The following KCNJ3 variants were observed in gnomAD, a reference collection of about 807,000 sequenced individuals.
The protein encoded by KCNJ3 is G protein-activated inward rectifier potassium channel 1.
KCNJ3 carries 4 observed loss-of-function variants against 39.2 expected under a neutral mutation model. The observed-to-expected ratio is 0.10, with a 90% CI of 0.05 to 0.23. The LOEUF is 0.23. KCNJ3 is among the 10% of genes least tolerant of loss of function. The pLI is 1.00. For missense variants in KCNJ3, 276 were observed against 634.9 expected (o/e 0.43, Z 6.08); for synonymous variants, 230 against 237.4 (o/e 0.97, Z 0.29).
chr2:154,801,400 A>G (rs1686814260), intron 2 of KCNJ3, among the ~76,000 whole-genome samples: 1 of 152,118 alleles, frequency 6.6e-6, no homozygotes, highest in Admixed American at 6.5e-5. Flanking sequence ...ATCAATTGTT[A>G]GCTTCTGGTA....
intron 2 of KCNJ3, among the ~76,000 whole-genome samples, chr2:154,812,407 A>T (rs1380680039): frequency 7.2e-5 from 11 of 152,246 alleles, no homozygotes; most frequent in African/African-American, 1.7e-4. Flanking sequence ...TTAGGACAAA[A>T]ATTATAATAT....
At chr2:154,720,396 G>C (rs1316757918) in intron 2 of KCNJ3, among the ~76,000 whole-genome samples, 1 of 151,952 alleles carries the variant, frequency 6.6e-6, no homozygotes, top group Non-Finnish European at 1.5e-5. Flanking sequence ...CCATTTTAGA[G>C]GGATGATTAG....
At chr2:154,741,238 A>G (rs1685649945) in intron 2 of KCNJ3, among the ~76,000 whole-genome samples, 1 of 151,976 alleles carries the variant, frequency 6.6e-6, no homozygotes, top group Non-Finnish European at 1.5e-5. Context: ...TCACACAGCT[A>G]GTTAATGGTG....
chr2:154,848,829 G>A (rs1206504839), intron 2 of KCNJ3, among the ~76,000 whole-genome samples: 1 of 152,144 alleles, frequency 6.6e-6, no homozygotes, highest in Non-Finnish European at 1.5e-5. Flanking sequence ...AGGGAGTTGT[G>A]CAGAGTGCCT....
At chr2:154,769,989 C>T (rs2105195342) in intron 2 of KCNJ3, among the ~76,000 whole-genome samples, 1 of 152,214 alleles carries the variant, frequency 6.6e-6, no homozygotes, top group Non-Finnish European at 1.5e-5. Flanking sequence ...TTTTAAAAGA[C>T]ATTTTAAATA....
intron 2 of KCNJ3, among the ~76,000 whole-genome samples, chr2:154,822,042 C>T (rs185413485): frequency 6.6e-5 from 10 of 152,102 alleles, no homozygotes; most frequent in Non-Finnish European, 1.5e-4. Context: ...TAAAGTATGC[C>T]AATGTTACTG....
intron 2 of KCNJ3, among the ~76,000 whole-genome samples, chr2:154,782,193 C>T (rs148358905): frequency 2.0e-5 from 3 of 152,058 alleles, no homozygotes; most frequent in Non-Finnish European, 4.4e-5. Context: ...AATCAGGGAG[C>T]CAGAATACCT....
intron 1 of KCNJ3, among the ~76,000 whole-genome samples, chr2:154,705,356 GTGTC>G (rs1684985886): frequency 6.6e-6 from 1 of 152,142 alleles, no homozygotes; most frequent in South Asian, 2.1e-4. Flanking sequence ...ATGTATGTGT[GTGTC>G]TGTCTGTCTT....
chr2:154,850,408 T>C (rs1687738974), intron 2 of KCNJ3, among the ~76,000 whole-genome samples: 1 of 152,208 alleles, frequency 6.6e-6, no homozygotes, highest in African/African-American at 2.4e-5. Context: ...ATATCTACTT[T>C]AAATCTTCTC....
intron 2 of KCNJ3, among the ~76,000 whole-genome samples, chr2:154,824,823 A>C (rs1687241913): frequency 6.6e-6 from 1 of 152,212 alleles, no homozygotes; most frequent in Non-Finnish European, 1.5e-5. Context: ...GCTTATATAA[A>C]AAAACACATT....
intron 2 of KCNJ3, among the ~76,000 whole-genome samples, chr2:154,822,044 A>G (rs1395716645): frequency 2.0e-5 from 3 of 152,116 alleles, no homozygotes; most frequent in South Asian, 2.1e-4. Flanking sequence ...AAGTATGCCA[A>G]TGTTACTGTT....
intron 2 of KCNJ3, among the ~76,000 whole-genome samples, chr2:154,811,165 T>C (rs1042396194): frequency 6.6e-6 from 1 of 152,194 alleles, no homozygotes; most frequent in Non-Finnish European, 1.5e-5. Flanking sequence ...TACGCAGTTA[T>C]GCAGTAGGGG....
intron 2 of KCNJ3, among the ~76,000 whole-genome samples, chr2:154,829,352 C>T (rs1341875581): frequency 1.3e-5 from 2 of 152,142 alleles, no homozygotes; most frequent in East Asian, 1.9e-4. Flanking sequence ...CAGTGTTTCA[C>T]TCCCACATAT....
chr2:154,821,618 GA>G (rs1687180751), intron 2 of KCNJ3, among the ~76,000 whole-genome samples: 1 of 125,142 alleles, frequency 8.0e-6, no homozygotes. Flanking sequence ...TCCAAAAAAA[GA>G]AAAAGAGAAT....
rs535308033 is a variant in KCNJ3, at chr2:154,803,828, A to G, written c.920-50899A>G. On this transcript the variant is annotated intron_variant, in intron 2 of 2. Transcript: ENST00000295101. Reference sequence around the variant, plus strand: ...AATTTGAATTAAAGCTTAATATAAAATGAGTAACGCTGATTAGGCTGTGTG... The same window carrying G: ...AATTTGAATTAAAGCTTAATATAAAGTGAGTAACGCTGATTAGGCTGTGTG... Among the ~76,000 whole-genome samples the G allele has an allele frequency of 2.1e-4, 32 of 152,178 alleles. No individual in the cohort carries two copies. In the South Asian group the frequency reaches 3.7e-3, roughly 18 times the overall value.
chr2:154,826,090 C>T (rs976251263), intron 2 of KCNJ3, among the ~76,000 whole-genome samples: 4 of 151,950 alleles, frequency 2.6e-5, no homozygotes, highest in Admixed American at 2.6e-4. Flanking sequence ...GTAAATATTT[C>T]CCATATTTAA....
chr2:154,810,444 T>G (rs1686989754), intron 2 of KCNJ3, among the ~76,000 whole-genome samples: 1 of 152,114 alleles, frequency 6.6e-6, no homozygotes, highest in Non-Finnish European at 1.5e-5. Flanking sequence ...AGAACACTTT[T>G]GGAAAACATT....
intron 2 of KCNJ3, among the ~76,000 whole-genome samples, chr2:154,717,067 C>G (rs1057155118): frequency 6.6e-6 from 1 of 152,160 alleles, no homozygotes; most frequent in East Asian, 1.9e-4. Flanking sequence ...TGGATTTCTT[C>G]CAAAGGAGGT....
intron 2 of KCNJ3, among the ~76,000 whole-genome samples, chr2:154,850,954 A>G (rs1321329064): frequency 6.6e-6 from 1 of 152,216 alleles, no homozygotes; most frequent in Non-Finnish European, 1.5e-5. Flanking sequence ...TGACAATTTT[A>G]AAAACAAATT....
Sources: gnomAD v4.1 joint callset for allele counts (sites outside exome capture counted in the v4.1 genomes callset) on GRCh38, gnomAD v4.1.1 for gene constraint, MANE v1.5 for transcripts, NCBI Gene and HGNC (gene_info 2026-07-23, HGNC 2026-07-21) for gene names.